Variants in CYP27B1 observed in about 807,000 individuals in gnomAD.
The protein encoded by CYP27B1 is 25-hydroxyvitamin D-1 alpha hydroxylase, mitochondrial.
Under a neutral mutation model 54.8 loss-of-function variants are expected in CYP27B1, and 46 were observed. That is an observed-to-expected ratio of 0.84 (90% CI 0.66 to 1.07). CYP27B1 has a LOEUF of 1.07. Ranked by LOEUF, CYP27B1 falls within the 50% of genes least tolerant of loss-of-function variation. CYP27B1 has a pLI of 0.00. For synonymous variants in CYP27B1, 292 were observed against 297.3 expected (o/e 0.98, Z 0.18); for missense variants, 674 against 692.2 (o/e 0.97, Z 0.30).
rs766852711 is a variant in CYP27B1 at position 57,764,660 on chromosome 12, G to T, written c.963+94C>A. The T allele has an allele frequency of 2.5e-6, 4 of 1,590,038 alleles. No homozygotes were observed. The South Asian group carries it at 4.4e-5, about 18-fold the overall frequency. ...GGTGCTAAGCCAAGCTGGTCTACGT[G>T]GCCATAATGGATCCCCTGCAACAGA... On this transcript the variant is annotated intron_variant, in intron 5 of 8. Coordinates refer to ENST00000228606, the MANE Select transcript of CYP27B1 (RefSeq NM_000785.4).
intron 7 of CYP27B1, 123 bp from the exon 8 acceptor site, chr12:57,763,931 CT>C: frequency 1.8e-6 from 2 of 1,125,544 alleles, no homozygotes; most frequent in Non-Finnish European, 2.7e-6. Context: ...TCTGGGGCTA[CT>C]TTTGGAAGGA....
intron 8 of CYP27B1, 144 bp from the exon 9 acceptor site, chr12:57,763,399 T>C: frequency 1.2e-6 from 1 of 857,028 alleles, no homozygotes; most frequent in African/African-American, 1.7e-5. Context: ...AGGGGACTTC[T>C]TGGTTAATAA....
chr12:57,764,222 G>T, intron 6 of CYP27B1, 46 bp from the exon 7 acceptor site: 1 of 1,572,022 alleles, frequency 6.4e-7, no homozygotes, highest in Non-Finnish European at 8.8e-7. Flanking sequence ...GAGGCTAGGG[G>T]CTGCAGCCCC....
chr12:57,763,148 G>C lies in CYP27B1; in HGVS notation c.1521C>G (p.Asp507Glu). The change falls in exon 9 of 9, where the codon GAC becomes GAG. Residue 507 changes from aspartate to glutamate, a missense_variant. Physicochemically the swap from Asp to Glu is conservative, Grantham distance 45. Transcript: ENST00000228606. ...PERSINLQFL[D>E]R Reference sequence around the variant, plus strand: ...ACAGTCTCTTTCCATGGGACTATCTGTCCAAAAACTGTAGGTTGATGCTCC... The same window carrying C: ...ACAGTCTCTTTCCATGGGACTATCTCTCCAAAAACTGTAGGTTGATGCTCC... 3 of 1,609,764 alleles carry C rather than the reference G, an allele frequency of 1.9e-6. No individual in the cohort carries two copies. The highest frequency in any genetic ancestry group is 2.6e-6 in the Non-Finnish European group (3 of 1,176,010).
chr12:57,763,110 A>C lies in CYP27B1; in HGVS notation c.*32T>G, dbSNP rs41325246. Reference sequence around the variant, plus strand: ...AAAATCTTATCCCTATGATGAATGAAAGGGTGATGATGACAGTCTCTTTCC... The same window carrying C: ...AAAATCTTATCCCTATGATGAATGACAGGGTGATGATGACAGTCTCTTTCC... On this transcript the variant is annotated 3_prime_UTR_variant, in exon 9 of 9. Coordinates refer to ENST00000228606, the MANE Select transcript of CYP27B1 (RefSeq NM_000785.4). 8.9e-6 allele frequency: 13 copies of C among 1,460,582 alleles called. No homozygotes were observed. Among genetic ancestry groups the C allele is most frequent in the Non-Finnish European group, 1.2e-5 (13 of 1,041,080 alleles). 90.5% of individuals were successfully genotyped at this position (1,460,582 alleles called of 1,614,324 possible).
At chr12:57,764,657 C>T (rs1405544326) in intron 5 of CYP27B1, 97 bp downstream of exon 5, 3 of 1,592,938 alleles carry the variant, frequency 1.9e-6, no homozygotes, top group African/African-American at 1.3e-5. Flanking sequence ...AGCTGGTCTA[C>T]GTGGCCATAA....
Position 57,762,787 on chromosome 12 carries a change from C to T in CYP27B1, c.*355G>A. ...TACTGAGCTTATGCTTTGATAAATG[C>T]TTAGCCAGCAGCATCAATGAACACT... is the stretch of plus-strand genomic sequence containing the variant. On this transcript the variant is annotated 3_prime_UTR_variant, in exon 9 of 9. Coordinates refer to ENST00000228606, the MANE Select transcript of CYP27B1 (RefSeq NM_000785.4). 2.9e-5 allele frequency: 10 copies of T among 348,260 alleles called. 2 individuals carry two copies. Among genetic ancestry groups the T allele is most frequent in the South Asian group, 2.3e-4 (10 of 43,028 alleles). 21.6% of individuals were successfully genotyped at this position (348,260 alleles called of 1,614,324 possible).
chr12:57,763,305 G>T, intron 8 of CYP27B1, 50 bp from the exon 9 acceptor site: 1 of 1,331,530 alleles, frequency 7.5e-7, no homozygotes. Context: ...CTATAATGGG[G>T]GGATTCATTG....
Position 57,765,608 on chromosome 12 carries a change from C to T in CYP27B1, c.387-109G>A, listed in dbSNP as rs961223034. ...GCGGTGGCCAGGAGAGGGATTGCGT[C>T]TGCCCCCTTGGGGTACGGAAACCTG... On this transcript the variant is annotated intron_variant, in intron 2 of 8. Coordinates refer to ENST00000228606, the MANE Select transcript of CYP27B1 (RefSeq NM_000785.4). The surrounding 1 kb of genome is among the most constrained non-coding windows in gnomAD (Gnocchi z 5.8). The T allele has an allele frequency of 9.2e-6, 11 of 1,197,878 alleles. No homozygotes were observed. Among genetic ancestry groups the T allele is most frequent in the Admixed American group, 4.0e-5 (2 of 50,578 alleles). The allele number at this position is 1,197,878 out of a possible 1,614,324, so 74.2% of individuals were successfully genotyped here. A position where few individuals can be genotyped will look rare whatever the true frequency, so the allele number is the denominator to read the frequency against.
Position 57,765,931 on chromosome 12 carries a change from A to G in CYP27B1, c.386+76T>C, listed in dbSNP as rs1955356246. 1.4e-6 allele frequency: 2 copies of G among 1,467,092 alleles called. No homozygotes were observed. Among genetic ancestry groups the G allele is most frequent in the South Asian group, 1.3e-5 (1 of 74,296 alleles). 90.9% of individuals were successfully genotyped at this position (1,467,092 alleles called of 1,614,324 possible). A position where few individuals can be genotyped will look rare whatever the true frequency, so the allele number is the denominator to read the frequency against. On this transcript the variant is annotated intron_variant, in intron 2 of 8. Transcript: ENST00000228606. The surrounding 1 kb of genome is among the most constrained non-coding windows in gnomAD (Gnocchi z 5.8). ...AGCCGACCTCCCACCATGCCCCCAG[A>G]TTGATAGTTTCGGGACCCGCAGCAG...
Position 57,764,928 on chromosome 12 carries a change from T to C in CYP27B1, c.791-2A>G. On this transcript the variant is annotated splice_acceptor_variant, in intron 4 of 8. Coordinates refer to ENST00000228606, the MANE Select transcript of CYP27B1 (RefSeq NM_000785.4). LOFTEE classifies it high-confidence loss of function. Reference sequence around the variant, plus strand: ...CTCGCCGCTCCACGTGCCTCTGAGCTGCGTGGGTAGAAGGCACGTGAATAC... The same window carrying C: ...CTCGCCGCTCCACGTGCCTCTGAGCCGCGTGGGTAGAAGGCACGTGAATAC... 1 of 1,614,132 alleles carries C rather than the reference T, an allele frequency of 6.2e-7. No individual in the cohort carries two copies. The highest frequency in any genetic ancestry group is 1.1e-5 in the South Asian group (1 of 91,088).
chr12:57,763,976 A>G, intron 7 of CYP27B1, 122 bp downstream of exon 7: 2 of 1,088,944 alleles, frequency 1.8e-6, no homozygotes, highest in South Asian at 1.3e-5. Context: ...CTAGAAAGGC[A>G]TATCCTAGAG....
chr12:57,762,900 C>G lies in CYP27B1; in HGVS notation c.*242G>C. On this transcript the variant is annotated 3_prime_UTR_variant, in exon 9 of 9. Coordinates refer to ENST00000228606, the MANE Select transcript of CYP27B1 (RefSeq NM_000785.4). ...AATCTGATTTCATCCTTGGGGGATG[C>G]ATACATGATCAGAAGGGCCAAGCAA... The G allele has an allele frequency of 2.0e-6, 1 of 500,854 alleles. No individual in the cohort carries two copies. Among genetic ancestry groups the G allele is most frequent in the African/African-American group, 1.9e-5 (1 of 51,708 alleles). The allele number at this position is 500,854 out of a possible 1,614,324, so 31.0% of individuals were successfully genotyped here.
Position 57,763,612 on chromosome 12 carries a change from TG to T in CYP27B1, c.1411del (p.Gln471ArgfsTer3). Reference sequence around the variant, plus strand: ...AGGTATAAAATCTAGAGCACTCACCTGGGCCAAAGCCATTTGCAATTCAAGC... The same window carrying T: ...AGGTATAAAATCTAGAGCACTCACCTGGCCAAAGCCATTTGCAATTCAAGC... ...AELELQMALA[Q>X]ILTHFEVQPE... On this transcript the variant is annotated frameshift_variant and splice_region_variant, in exon 8 of 9. Transcript: ENST00000228606. LOFTEE classifies it high-confidence loss of function. 6.2e-7 allele frequency: 1 copy of T among 1,613,848 alleles called. No homozygotes were observed.
chr12:57,764,280 G>T, intron 6 of CYP27B1, 98 bp downstream of exon 6: 2 of 1,568,356 alleles, frequency 1.3e-6, no homozygotes, highest in Non-Finnish European at 8.8e-7. Context: ...AGGAGTAGAG[G>T]GCCATTTTTC....
chr12:57,762,420 G>A lies in CYP27B1; in HGVS notation c.*722C>T, dbSNP rs886049720. On this transcript the variant is annotated 3_prime_UTR_variant, in exon 9 of 9. Transcript: ENST00000228606. ...AAAGCCAGAGGCCTGGGCAGGGACA[G>A]GCCCAAAGATGTCTCTGCCTGAGAA... is the stretch of plus-strand genomic sequence containing the variant. 1 of 152,388 alleles carries A rather than the reference G, an allele frequency of 6.6e-6. No individual in the cohort carries two copies. Among genetic ancestry groups the A allele is most frequent in the African/African-American group, 2.4e-5 (1 of 41,464 alleles). 9.4% of individuals were successfully genotyped at this position (152,388 alleles called of 1,614,324 possible).
chr12:57,764,655 T>C, intron 5 of CYP27B1, 99 bp downstream of exon 5: 4 of 1,590,994 alleles, frequency 2.5e-6, no homozygotes, highest in Non-Finnish European at 3.4e-6. Context: ...CAAGCTGGTC[T>C]ACGTGGCCAT....
chr12:57,765,605 C>A lies in CYP27B1; in HGVS notation c.387-106G>T. On this transcript the variant is annotated intron_variant, in intron 2 of 8. Coordinates refer to ENST00000228606, the MANE Select transcript of CYP27B1 (RefSeq NM_000785.4). This position sits in a 1 kb window ranked among gnomAD's most constrained non-coding sequence, Gnocchi z 5.8. ...GCTGCGGTGGCCAGGAGAGGGATTG[C>A]GTCTGCCCCCTTGGGGTACGGAAAC... The A allele has an allele frequency of 2.5e-6, 3 of 1,199,894 alleles. No individual in the cohort carries two copies. Among genetic ancestry groups the A allele is most frequent in the East Asian group, 2.5e-5 (1 of 39,476 alleles). The allele number at this position is 1,199,894 out of a possible 1,614,324, so 74.3% of individuals were successfully genotyped here.
Position 57,765,802 on chromosome 12 carries a change from C to G in CYP27B1, c.386+205G>C. 1 of 1,079,544 alleles carries G rather than the reference C, an allele frequency of 9.3e-7. No homozygotes were observed. The highest frequency in any genetic ancestry group is 1.3e-6 in the Non-Finnish European group (1 of 771,120). 66.9% of individuals were successfully genotyped at this position (1,079,544 alleles called of 1,614,324 possible). Reference sequence around the variant, plus strand: ...CCCCCAGTTCCCAGGATTCGGGCCTCAAAGGATAAGGAGGTAGGCGGGGAG... The same window carrying G: ...CCCCCAGTTCCCAGGATTCGGGCCTGAAAGGATAAGGAGGTAGGCGGGGAG... On this transcript the variant is annotated intron_variant, in intron 2 of 8. Coordinates refer to ENST00000228606, the MANE Select transcript of CYP27B1 (RefSeq NM_000785.4). This position sits in a 1 kb window ranked among gnomAD's most constrained non-coding sequence, Gnocchi z 5.8.
Sources: allele counts gnomAD v4.1 joint callset, GRCh38; gene constraint gnomAD v4.1.1; non-coding constraint Gnocchi (gnomAD v3.1); transcripts MANE v1.5; gene names NCBI Gene and HGNC (gene_info 2026-07-23, HGNC 2026-07-21).